MGAT4C: variants seen among roughly 807,000 people sequenced by gnomAD.
MGAT4C encodes the protein MGAT4 family member C.
A neutral mutation model predicts 40.1 loss-of-function variants in MGAT4C; 19 were observed. The ratio of observed to expected loss-of-function variants is 0.47; its 90% confidence interval spans 0.33 to 0.70. The LOEUF (loss-of-function observed/expected upper bound fraction) is 0.70. MGAT4C is among the 30% of genes least tolerant of loss of function. The pLI, the probability that MGAT4C is intolerant of heterozygous loss-of-function variation, is 0.02. For synonymous variants in MGAT4C, 181 were observed against 187.1 expected (o/e 0.97, Z 0.27); for missense variants, 491 against 563.2 (o/e 0.87, Z 1.30).
At chr12:86,335,308 C>T (rs575049562) in intron 3 of MGAT4C, among the ~76,000 whole-genome samples, 2 of 152,076 alleles carry the variant, frequency 1.3e-5, no homozygotes, top group South Asian at 2.1e-4. Context: ...TGTAAATCTT[C>T]TCTCTGCACC....
At chr12:86,804,276 G>A (rs1215658468) in intron 1 of MGAT4C, among the ~76,000 whole-genome samples, 1 of 112,492 alleles carries the variant, frequency 8.9e-6, no homozygotes, top group Non-Finnish European at 1.8e-5. Context: ...TGGGGTGGGG[G>A]GAGGGGGGAG....
At chr12:86,713,883 CTTTAG>C (rs1330362007) in intron 2 of MGAT4C, among the ~76,000 whole-genome samples, 2 of 151,118 alleles carry the variant, frequency 1.3e-5, no homozygotes, top group African/African-American at 4.9e-5. Flanking sequence ...TCAGAGCCCC[CTTTAG>C]TTATTAATTC....
In MGAT4C at chr12:86,539,099, T is replaced by C. The variant is rs553296447; in HGVS notation, c.-228-103834A>G. 1.6e-4 allele frequency among the ~76,000 whole-genome samples: 25 copies of C among 152,258 alleles called. No homozygotes were observed. In the East Asian group the frequency reaches 3.5e-3, roughly 21 times the overall value. ...TGCAGGTTTGTTACATATGTATACA[T>C]GTGCCATGTTGGTGTGCTGCACCCA... On this transcript the variant is annotated intron_variant, in intron 2 of 7. Transcript: ENST00000548651.
At chr12:86,414,374 G>A (rs1440877050) in intron 3 of MGAT4C, among the ~76,000 whole-genome samples, 2 of 152,218 alleles carry the variant, frequency 1.3e-5, no homozygotes, top group African/African-American at 4.8e-5. Context: ...TCTCCTCACG[G>A]AAATAGTGTT....
chr12:86,668,542 G>C (rs1964171813), intron 2 of MGAT4C, among the ~76,000 whole-genome samples: 1 of 152,214 alleles, frequency 6.6e-6, no homozygotes, highest in Admixed American at 6.5e-5. Context: ...CGTGGACCAA[G>C]AGCAGCACAC....
intron 4 of MGAT4C, among the ~76,000 whole-genome samples, chr12:86,318,841 A>G (rs1479731026): frequency 6.6e-6 from 1 of 152,128 alleles, no homozygotes; most frequent in Non-Finnish European, 1.5e-5. Flanking sequence ...AATGGTTTTT[A>G]GGCTGCTGTT....
At chr12:86,184,275 G>A (rs1888468898) in intron 1 of MGAT4C, among the ~76,000 whole-genome samples, 1 of 151,762 alleles carries the variant, frequency 6.6e-6, no homozygotes, top group African/African-American at 2.4e-5. Flanking sequence ...TACTAGGGAG[G>A]CTGAGGCAGG....
chr12:86,541,260 G>C (rs1959166354), intron 2 of MGAT4C, among the ~76,000 whole-genome samples: 1 of 152,144 alleles, frequency 6.6e-6, no homozygotes, highest in Non-Finnish European at 1.5e-5. Context: ...ATGCACTTTA[G>C]CTAGTGAAAA....
intron 4 of MGAT4C, among the ~76,000 whole-genome samples, chr12:86,330,358 C>G (rs1223319492): frequency 1.3e-5 from 2 of 152,158 alleles, no homozygotes; most frequent in Non-Finnish European, 2.9e-5. Context: ...CACCATTTCT[C>G]TGGGACTTTA....
At chr12:86,453,616 T>C (rs900443537) in intron 2 of MGAT4C, among the ~76,000 whole-genome samples, 1 of 152,136 alleles carries the variant, frequency 6.6e-6, no homozygotes, top group Non-Finnish European at 1.5e-5. Flanking sequence ...ATCTTGCAGC[T>C]CCGCTATTTA....
At chr12:86,670,795 A>T (rs1593099064) in intron 2 of MGAT4C, among the ~76,000 whole-genome samples, 1 of 152,312 alleles carries the variant, frequency 6.6e-6, no homozygotes, top group East Asian at 1.9e-4. Flanking sequence ...TAAAGAAAAA[A>T]TCTTAACCCT....
At chr12:86,372,603 T>C (rs1203602342) in intron 3 of MGAT4C, among the ~76,000 whole-genome samples, 2 of 151,930 alleles carry the variant, frequency 1.3e-5, no homozygotes, top group African/African-American at 4.8e-5. Flanking sequence ...CTATGTGAAG[T>C]ATTATATATT....
chr12:86,573,613 G>T (rs1206629762), intron 2 of MGAT4C, among the ~76,000 whole-genome samples: 1 of 151,918 alleles, frequency 6.6e-6, no homozygotes, highest in Non-Finnish European at 1.5e-5. Flanking sequence ...GCTCCATGAG[G>T]GCAACAATAA....
At chr12:86,551,240 G>T (rs1403389640) in intron 2 of MGAT4C, among the ~76,000 whole-genome samples, 2 of 152,192 alleles carry the variant, frequency 1.3e-5, no homozygotes, top group Non-Finnish European at 2.9e-5. Context: ...CAAGCCCTGA[G>T]GCTGGCCAAA....
chr12:86,734,364 G>A (rs1003530802), intron 1 of MGAT4C, among the ~76,000 whole-genome samples: 1 of 152,148 alleles, frequency 6.6e-6, no homozygotes, highest in African/African-American at 2.4e-5. Context: ...GCTAAAAACA[G>A]TGGGAGTAGA....
chr12:86,701,071 C>T (rs1360290101), intron 2 of MGAT4C, among the ~76,000 whole-genome samples: 1 of 152,038 alleles, frequency 6.6e-6, no homozygotes, highest in South Asian at 2.1e-4. Context: ...CCTAGCCTTG[C>T]CATAGTATTC....
chr12:86,267,711 G>GC (rs1423169932), intron 4 of MGAT4C, among the ~76,000 whole-genome samples: 3 of 152,012 alleles, frequency 2.0e-5, no homozygotes, highest in African/African-American at 7.2e-5. Flanking sequence ...TAGTAAGTAG[G>GC]CCTAGACTGG....
At chr12:86,167,637 C>A (rs1229194243) in intron 1 of MGAT4C, among the ~76,000 whole-genome samples, 1 of 138,164 alleles carries the variant, frequency 7.2e-6, no homozygotes, top group Non-Finnish European at 1.5e-5. Flanking sequence ...CAGTTACATA[C>A]AAGAAAGAGA....
At chr12:86,789,309 T>A (rs1951984033) in intron 1 of MGAT4C, among the ~76,000 whole-genome samples, 1 of 152,094 alleles carries the variant, frequency 6.6e-6, no homozygotes, top group African/African-American at 2.4e-5. Flanking sequence ...GTGTAATTCT[T>A]AGGACTCTTT....
Sources: allele counts gnomAD v4.1 joint callset (sites outside exome capture counted in the v4.1 genomes callset), GRCh38; gene constraint gnomAD v4.1.1; transcripts MANE v1.5; gene names NCBI Gene and HGNC (gene_info 2026-07-23, HGNC 2026-07-21).